Variants in RASA1 observed in about 807,000 individuals in gnomAD.
RASA1 encodes the protein RAS p21 protein activator 1.
RASA1 carries 25 observed loss-of-function variants against 132.2 expected under a neutral mutation model. The observed-to-expected ratio is 0.19, with a 90% CI of 0.14 to 0.26. RASA1 has a LOEUF of 0.26. RASA1 is among the 10% of genes least tolerant of loss of function. RASA1 has a pLI of 1.00. For missense variants in RASA1, 964 were observed against 1,299.2 expected (o/e 0.74, Z 3.97); for synonymous variants, 477 against 449.9 (o/e 1.06, Z -0.76).
intron 1 of RASA1, among the ~76,000 whole-genome samples, chr5:87,287,132 T>C (rs1754629374): frequency 7.0e-6 from 1 of 142,028 alleles, no homozygotes; most frequent in Non-Finnish European, 1.5e-5. Flanking sequence ...ATACACACCA[T>C]ATATATATAC....
intron 1 of RASA1, among the ~76,000 whole-genome samples, chr5:87,308,157 A>T (rs1320949896): frequency 6.6e-6 from 1 of 151,804 alleles, no homozygotes; most frequent in Admixed American, 6.6e-5. Flanking sequence ...GCTTTGTGAG[A>T]CTGTTGAAAG....
chr5:87,299,202 T>A (rs1400980305), intron 1 of RASA1, among the ~76,000 whole-genome samples: 1 of 152,336 alleles, frequency 6.6e-6, no homozygotes, highest in Middle Eastern at 3.4e-3. Flanking sequence ...TAAACTTACA[T>A]GCTTAGTGAT....
intron 8 of RASA1, among the ~76,000 whole-genome samples, chr5:87,352,690 G>GTT (rs1055259056): frequency 6.6e-5 from 10 of 151,236 alleles, no homozygotes; most frequent in African/African-American, 2.4e-4. Flanking sequence ...CTTTTCATGT[G>GTT]TTTTATGACC....
At chr5:87,369,185 A>C (rs1359810264) in intron 11 of RASA1, among the ~76,000 whole-genome samples, 2 of 152,170 alleles carry the variant, frequency 1.3e-5, no homozygotes, top group Non-Finnish European at 2.9e-5. Flanking sequence ...AATATTTTCA[A>C]GTCTAGTTGG....
At chr5:87,369,716 T>G (rs1281267799) in intron 11 of RASA1, 97 bp from the exon 12 acceptor site, 1 of 800,628 alleles carries the variant, frequency 1.2e-6, no homozygotes, top group East Asian at 2.7e-5. Flanking sequence ...AATTATAATT[T>G]TATGTTAATT....
At chr5:87,342,091 G>A (rs1345700093) in intron 6 of RASA1, among the ~76,000 whole-genome samples, 1 of 151,482 alleles carries the variant, frequency 6.6e-6, no homozygotes. Context: ...ACTGTACCCT[G>A]CTGTTTGTAT....
chr5:87,361,785 AAT>A (rs1760114287), intron 9 of RASA1, among the ~76,000 whole-genome samples: 1 of 152,188 alleles, frequency 6.6e-6, no homozygotes, highest in African/African-American at 2.4e-5. Context: ...AACACTTAGA[AAT>A]TTCATCAGGG....
At chr5:87,358,301 C>A (rs1759805399) in intron 9 of RASA1, among the ~76,000 whole-genome samples, 1 of 152,138 alleles carries the variant, frequency 6.6e-6, no homozygotes, top group African/African-American at 2.4e-5. Flanking sequence ...TTTTTGAGCA[C>A]TATATTTTAA....
At chr5:87,369,768 T>C in intron 11 of RASA1, 45 bp from the exon 12 acceptor site, 2 of 1,371,232 alleles carry the variant, frequency 1.5e-6, no homozygotes, top group Non-Finnish European at 1.0e-6. Flanking sequence ...AATATTTTGC[T>C]ACTTTTTATT....
chr5:87,346,571 A>T (rs1758876426), intron 6 of RASA1, 101 bp from the exon 7 acceptor site: 1 of 647,546 alleles, frequency 1.5e-6, no homozygotes, highest in Non-Finnish European at 2.6e-6. Context: ...CATTTATTTT[A>T]TCACTTTGAA....
At chr5:87,304,806 T>C (rs2112291918) in intron 1 of RASA1, among the ~76,000 whole-genome samples, 1 of 152,286 alleles carries the variant, frequency 6.6e-6, no homozygotes, top group African/African-American at 2.4e-5. Context: ...ATTACTGCTT[T>C]GTACAGTCAA....
At chr5:87,370,034 G>A in intron 12 of RASA1, 134 bp downstream of exon 12, 4 of 803,626 alleles carry the variant, frequency 5.0e-6, no homozygotes, top group Non-Finnish European at 8.1e-6. Context: ...TTATTTTAAG[G>A]AATGAGATTT....
At chr5:87,382,039 C>T (rs1050201176) in intron 20 of RASA1, among the ~76,000 whole-genome samples, 5 of 152,154 alleles carry the variant, frequency 3.3e-5, no homozygotes, top group African/African-American at 1.2e-4. Context: ...GCAACCCCCG[C>T]CTCCCAGGTT....
intron 5 of RASA1, among the ~76,000 whole-genome samples, chr5:87,339,304 T>C (rs1458419133): frequency 1.3e-5 from 2 of 152,174 alleles, no homozygotes; most frequent in Non-Finnish European, 2.9e-5. Context: ...CTCATAGTCA[T>C]ATAGTTATTT....
chr5:87,314,046 G>A (rs1756128046), intron 1 of RASA1, among the ~76,000 whole-genome samples: 1 of 152,200 alleles, frequency 6.6e-6, no homozygotes, highest in Admixed American at 6.5e-5. Flanking sequence ...GCACATGCCT[G>A]TAATCCCAGC....
At chr5:87,283,491 A>G (rs912676895) in intron 1 of RASA1, among the ~76,000 whole-genome samples, 3 of 152,046 alleles carry the variant, frequency 2.0e-5, no homozygotes, top group Non-Finnish European at 4.4e-5. Context: ...TATGTTTACT[A>G]TAGAAAATTT....
intron 5 of RASA1, among the ~76,000 whole-genome samples, chr5:87,338,393 G>A (rs986955789): frequency 2.0e-5 from 3 of 149,518 alleles, no homozygotes; most frequent in Admixed American, 6.7e-5. Flanking sequence ...GTGCAGTGGC[G>A]TGATCTCGGC....
chr5:87,320,952 T>C (rs540528747), intron 1 of RASA1, among the ~76,000 whole-genome samples: 4 of 152,320 alleles, frequency 2.6e-5, no homozygotes, highest in East Asian at 1.9e-4. Flanking sequence ...TTGAATGCCA[T>C]GGTGAATAGT....
chr5:87,370,622 T>TGA (rs1491579246), intron 12 of RASA1, among the ~76,000 whole-genome samples: 5 of 152,256 alleles, frequency 3.3e-5, no homozygotes, highest in Admixed American at 3.3e-4. Context: ...ATCGAGACAC[T>TGA]GTAAGCCAGC....
Sources: gnomAD v4.1 joint callset for allele counts (sites outside exome capture counted in the v4.1 genomes callset) on GRCh38, gnomAD v4.1.1 for gene constraint, MANE v1.5 for transcripts, NCBI Gene and HGNC (gene_info 2026-07-23, HGNC 2026-07-21) for gene names.